The following NUP205 variants were observed in gnomAD, a reference collection of about 807,000 sequenced individuals.
The protein encoded by NUP205 is nucleoporin 205, also known as nuclear pore complex protein Nup205.
In NUP205, 76 loss-of-function variants were observed where a neutral mutation model predicts 253.8. The ratio of observed to expected loss-of-function variants is 0.30; its 90% CI spans 0.25 to 0.36. The LOEUF (loss-of-function observed/expected upper bound fraction) is 0.36. Ranked by LOEUF, NUP205 falls within the 10% of genes least tolerant of loss-of-function variation. The probability of loss-of-function intolerance (pLI) is 1.00; values close to 1 mark genes in which losing one functional copy is unlikely to be tolerated. For synonymous variants in NUP205, 832 were observed against 850.1 expected (o/e 0.98, Z 0.37); for missense variants, 2,162 against 2,425.5 (o/e 0.89, Z 2.28).
At chr7:135,595,326 C>T (rs937847805) in intron 13 of NUP205, among the ~76,000 whole-genome samples, 1 of 151,864 alleles carries the variant, frequency 6.6e-6, no homozygotes, top group African/African-American at 2.4e-5. Context: ...CGGGTTAAAG[C>T]GATTCTTGTG....
intron 22 of NUP205, among the ~76,000 whole-genome samples, chr7:135,610,584 C>G (rs575410066): frequency 0.039 from 5,985 of 152,254 alleles, 231 homozygotes; most frequent in African/African-American, 0.099. Flanking sequence ...TCAGCATTAT[C>G]TCCTAGGAGC....
chr7:135,638,465 A>T, intron 37 of NUP205, 92 bp from the exon 38 acceptor site: 19 of 1,007,630 alleles, frequency 1.9e-5, no homozygotes, highest in South Asian at 2.9e-5. Context: ...TTACAAATTG[A>T]TTGATAACCT....
rs1806412646 is a variant in NUP205, at chr7:135,584,884, T to C, written c.1095T>C (p.Ala365=). 1 of 1,614,116 alleles carries C rather than the reference T, an allele frequency of 6.2e-7. No homozygotes were observed. Among genetic ancestry groups the C allele is most frequent in the Non-Finnish European group, 8.5e-7 (1 of 1,179,966 alleles). Residue 365 remains alanine (A), a synonymous_variant, in exon 8 of 43, where the codon GCT becomes GCC. Transcript: ENST00000285968. ...ADEAMAELAI[A]DNVFLFLMES... ...AAGCAATGGCAGAACTCGCAATTGC[T>C]GACAACGTTTTCCTGTTCCTCATGG...
chr7:135,594,779 G>A, intron 13 of NUP205, 50 bp downstream of exon 13: 3 of 1,411,736 alleles, frequency 2.1e-6, no homozygotes, highest in Non-Finnish European at 2.9e-6. Flanking sequence ...GGAAAGTTGG[G>A]CTTGATAATA....
Position 135,625,282 on chromosome 7 carries a change from A to G in NUP205, c.4598A>G (p.Asp1533Gly), listed in dbSNP as rs771897348. 3 of 1,614,048 alleles carry G rather than the reference A, an allele frequency of 1.9e-6. No individual in the cohort carries two copies. The South Asian group carries it at 3.3e-5, about 18-fold the overall frequency. The change falls in exon 32 of 43, where the codon GAC (aspartate) becomes GGC (glycine). Residue 1533 changes from aspartate to glycine, a missense_variant. Asp to Gly is a moderately conservative substitution (Grantham distance 94, BLOSUM62 -1). Transcript: ENST00000285968. Reference protein sequence around the residue: ...KVLVDSLVEDDRTLQSLLTPQ... With the variant: ...KVLVDSLVEDGRTLQSLLTPQ... The stretch of plus-strand genomic sequence containing the variant: ...CTCGTAGACAGCTTGGTAGAAGATG[A>G]CCGTACTTTGCAGAGCTTACTCACC...
chr7:135,629,477 CTCTCTCT>C (rs1328634335), intron 34 of NUP205, among the ~76,000 whole-genome samples: 52 of 32,572 alleles, frequency 1.6e-3, no homozygotes, highest in Admixed American at 9.1e-3. Flanking sequence ...CTATCTCTCT[CTCTCTCT>C]CTCTCTCTCT....
chr7:135,569,242 T>G (rs906543598), intron 1 of NUP205, among the ~76,000 whole-genome samples: 2 of 152,136 alleles, frequency 1.3e-5, no homozygotes, highest in African/African-American at 4.8e-5. Flanking sequence ...GGCTAATTTT[T>G]TGTATATTTT....
intron 3 of NUP205, among the ~76,000 whole-genome samples, chr7:135,574,031 G>A (rs566401385): frequency 6.6e-6 from 1 of 152,016 alleles, no homozygotes; most frequent in East Asian, 1.9e-4. Context: ...GGAGTGCAGT[G>A]GCATGATATC....
At chr7:135,624,874 G>C (rs1794552992) in intron 31 of NUP205, among the ~76,000 whole-genome samples, 1 of 152,202 alleles carries the variant, frequency 6.6e-6, no homozygotes, top group East Asian at 1.9e-4. Context: ...TCTCTAACAA[G>C]CAATGTTAGA....
chr7:135,636,256 C>G (rs1310504867), intron 36 of NUP205, among the ~76,000 whole-genome samples: 1 of 152,078 alleles, frequency 6.6e-6, no homozygotes. Flanking sequence ...TATTTATGTA[C>G]TAGTGTTTAT....
At chr7:135,584,053 C>G (rs990603655) in intron 7 of NUP205, among the ~76,000 whole-genome samples, 3 of 151,806 alleles carry the variant, frequency 2.0e-5, no homozygotes, top group African/African-American at 7.3e-5. Context: ...ATACTCCCGA[C>G]CTCAGGTGAT....
At chr7:135,605,805 C>T (rs1473254314) in intron 19 of NUP205, among the ~76,000 whole-genome samples, 1 of 148,162 alleles carries the variant, frequency 6.7e-6, no homozygotes, top group Non-Finnish European at 1.5e-5. Context: ...GTTAAGATCT[C>T]GTAACATTGA....
chr7:135,628,060 C>T lies in NUP205; in HGVS notation c.4881C>T (p.Cys1627=). 6.2e-7 allele frequency: 1 copy of T among 1,610,900 alleles called. No individual in the cohort carries two copies. Residue 1627 remains cysteine, a synonymous_variant, in exon 34 of 43, where the codon TGC becomes TGT. Transcript: ENST00000285968. ...TTCTCCTCCCAGCTCTCCAGCTGTGCCAGGTCATCCTCACATCTAGTATGG... is the reference window on the plus strand; with the variant it reads ...TTCTCCTCCCAGCTCTCCAGCTGTGTCAGGTCATCCTCACATCTAGTATGG... The part of the protein sequence containing the change: ...RQILLPALQL[C]QVILTSSMAQ...
chr7:135,598,247 A>T lies in NUP205; in HGVS notation c.2274+40A>T, dbSNP rs73725163. The T allele has an allele frequency of 8.8e-5, 136 of 1,537,702 alleles. 1 individual carries two copies. The highest frequency in any genetic ancestry group is 1.2e-4 in the Non-Finnish European group (135 of 1,118,142). The stretch of plus-strand genomic sequence containing the variant: ...AAAGCTTTTTTCTCCTTATGCATTT[A>T]CTGCTTTTTCTTTTATCAAAAGTAT... On this transcript the variant is annotated intron_variant, in intron 15 of 42. Transcript: ENST00000285968.
chr7:135,626,162 C>T, intron 32 of NUP205, 78 bp from the exon 33 acceptor site: 1 of 1,545,132 alleles, frequency 6.5e-7, no homozygotes. Flanking sequence ...AGAAATTTGC[C>T]ATCAAAGTGT....
At chr7:135,632,743 T>C (rs1794738311) in intron 35 of NUP205, among the ~76,000 whole-genome samples, 1 of 152,132 alleles carries the variant, frequency 6.6e-6, no homozygotes, top group African/African-American at 2.4e-5. Flanking sequence ...TTGTCTCTAC[T>C]AAGGTCCTGT....
In NUP205 at chr7:135,616,698, G is replaced by A. The variant is rs746519574; in HGVS notation, c.3504G>A (p.Gly1168=). The A allele has an allele frequency of 1.9e-6, 3 of 1,571,216 alleles. No homozygotes were observed. The highest frequency in any genetic ancestry group is 4.0e-4 in the Middle Eastern group (2 of 5,060). The part of the protein sequence containing the change: ...GIEDENRSVS[G]FLHFDTATKV... ...AAGATGAAAACAGGTCTGTTTCTGG[G>A]TTCCTTCACTTTGACACTGCTACAA... Residue 1168 remains glycine, a synonymous_variant, in exon 25 of 43, where the codon GGG becomes GGA. Coordinates refer to ENST00000285968, the MANE Select transcript of NUP205 (RefSeq NM_015135.3).
chr7:135,560,121 G>T (rs1485994625), intron 1 of NUP205, among the ~76,000 whole-genome samples: 2 of 152,114 alleles, frequency 1.3e-5, no homozygotes, highest in Non-Finnish European at 2.9e-5. Flanking sequence ...GCCTCCCAAA[G>T]TGCTGGGATT....
At chr7:135,605,285 A>G (rs1218191815) in intron 19 of NUP205, among the ~76,000 whole-genome samples, 3 of 152,118 alleles carry the variant, frequency 2.0e-5, no homozygotes, top group South Asian at 2.1e-4. Context: ...CCAAAGTGCT[A>G]GGATTACAGG....
Sources: allele counts gnomAD v4.1 joint callset (sites outside exome capture counted in the v4.1 genomes callset), GRCh38; gene constraint gnomAD v4.1.1; transcripts MANE v1.5; gene names NCBI Gene and HGNC (gene_info 2026-07-23, HGNC 2026-07-21).